The following B4GALT5 variants were observed in gnomAD, a reference collection of about 807,000 sequenced individuals.
The protein encoded by B4GALT5 is UDP-Gal:beta-GlcNAc beta-1,4-galactosyltransferase 5.
Under a neutral mutation model 45.0 loss-of-function variants are expected in B4GALT5, and 11 were observed. That is an observed-to-expected ratio of 0.24 (90% confidence interval 0.15 to 0.40). The LOEUF (loss-of-function observed/expected upper bound fraction) is 0.40, where lower values mean the gene tolerates loss of function less well. Among genes scored for constraint, B4GALT5 ranks in the 10% least tolerant of loss-of-function variants. B4GALT5 has a pLI of 1.00. For missense variants in B4GALT5, 337 were observed against 500.2 expected (o/e 0.67, Z 3.11); for synonymous variants, 185 against 182.9 (o/e 1.01, Z -0.09).
intron 1 of B4GALT5, among the ~76,000 whole-genome samples, chr20:49,685,411 G>A (rs895298955): frequency 1.3e-5 from 2 of 152,020 alleles, no homozygotes; most frequent in Admixed American, 6.6e-5. Context: ...AACAGAAAAC[G>A]AAAAACTCTG....
At chr20:49,636,546 C>A in intron 8 of B4GALT5, 87 bp from the exon 9 acceptor site, 1 of 1,452,958 alleles carries the variant, frequency 6.9e-7, no homozygotes, top group Non-Finnish European at 9.4e-7. Flanking sequence ...CGTCCCACAG[C>A]AGAGGACGCA....
At position 49,640,584 on chromosome 20, in the gene B4GALT5, A is replaced by C. The variant is rs2085572707; in HGVS notation, c.688T>G (p.Leu230Val). Residue 230 changes from leucine to valine, a missense_variant, in exon 6 of 9, where the codon TTG becomes GTG. By Grantham distance (32) the Leu-to-Val change is conservative. Around this residue, in one of 2 missense-constraint regions of B4GALT5, gnomAD observed 163 missense variants for 292.8 expected, o/e 0.56. Coordinates refer to ENST00000371711, the MANE Select transcript of B4GALT5 (RefSeq NM_004776.4). ...ATGTGATCTACATCATGAAAAATCA[A>C]ACAGTCCCAATCCAAGTCTTTCATT... is the stretch of plus-strand genomic sequence containing the variant. ...EAMKDLDWDC[L>V]IFHDVDHIPE... 6.2e-7 allele frequency: 1 copy of C among 1,614,112 alleles called. No individual in the cohort carries two copies. Among genetic ancestry groups the C allele is most frequent in the Non-Finnish European group, 8.5e-7 (1 of 1,180,008 alleles).
intron 3 of B4GALT5, 116 bp downstream of exon 3, chr20:49,646,849 G>T: frequency 1.6e-6 from 1 of 629,324 alleles, no homozygotes; most frequent in Non-Finnish European, 2.6e-6. Context: ...CACAAACCCT[G>T]TTTCCAATGG....
chr20:49,635,996 G>T lies in B4GALT5; in HGVS notation c.*316C>A. 3.0e-6 allele frequency: 1 copy of T among 338,612 alleles called. No homozygotes were observed. The highest frequency in any genetic ancestry group is 2.1e-5 in the African/African-American group (1 of 47,034). 21.0% of individuals were successfully genotyped at this position (338,612 alleles called of 1,614,324 possible). On this transcript the variant is annotated 3_prime_UTR_variant, in exon 9 of 9. Transcript: ENST00000371711. ...CACGGCAGATCACAGTTCATCATGG[G>T]TTCTGGAGACTGCGGCTAAGACAGG...
At chr20:49,667,932 A>G (rs2085698856) in intron 1 of B4GALT5, among the ~76,000 whole-genome samples, 3 of 152,212 alleles carry the variant, frequency 2.0e-5, no homozygotes, top group Admixed American at 2.0e-4. Context: ...GAGAGAAAAT[A>G]CAGCTTTTTT....
intron 3 of B4GALT5, among the ~76,000 whole-genome samples, chr20:49,644,221 C>T (rs889156900): frequency 4.6e-5 from 7 of 151,930 alleles, no homozygotes; most frequent in African/African-American, 1.7e-4. Flanking sequence ...GCCACTGTGC[C>T]CAGCCTTCTT....
chr20:49,650,265 A>C (rs1050776909), intron 2 of B4GALT5, among the ~76,000 whole-genome samples: 1 of 152,118 alleles, frequency 6.6e-6, no homozygotes, highest in African/African-American at 2.4e-5. Context: ...CAACAACTCT[A>C]TTGCAAAAAT....
At chr20:49,694,486 T>C (rs1374367581) in intron 1 of B4GALT5, among the ~76,000 whole-genome samples, 1 of 151,818 alleles carries the variant, frequency 6.6e-6, no homozygotes, top group Non-Finnish European at 1.5e-5. Context: ...ACCTAGTCCC[T>C]ACAAAAAAAT....
rs957355340 is a variant in B4GALT5 at position 49,713,782 on chromosome 20, G to A, written c.-92C>T. On this transcript the variant is annotated 5_prime_UTR_variant, in exon 1 of 9. Transcript: ENST00000371711. ...CCTGGGCCGCCGCCGCCACCGCCTG[G>A]GCCTCGGCCACCGCCTCCCGGGCCT... 1.2e-5 allele frequency: 3 copies of A among 247,272 alleles called. No homozygotes were observed. Among genetic ancestry groups the A allele is most frequent in the East Asian group, 1.4e-4 (1 of 6,992 alleles). 15.3% of individuals were successfully genotyped at this position (247,272 alleles called of 1,614,324 possible).
intron 8 of B4GALT5, 37 bp downstream of exon 8, chr20:49,637,304 G>C (rs757245233): frequency 6.5e-7 from 1 of 1,534,500 alleles, no homozygotes; most frequent in East Asian, 2.2e-5. Flanking sequence ...GAAAGTATAG[G>C]GGATACTTCT....
In B4GALT5 at chr20:49,636,353, C is replaced by T. The variant is rs1161296548; in HGVS notation, c.1126G>A (p.Val376Ile). Residue 376 changes from valine (V) to isoleucine (I), a missense_variant, in exon 9 of 9, where the codon GTC (valine) becomes ATC (isoleucine). Val to Ile is a conservative substitution (Grantham distance 29). Around this residue, in one of 2 missense-constraint regions of B4GALT5, gnomAD observed 163 missense variants for 292.8 expected, o/e 0.56. Transcript: ENST00000371711. Reference sequence around the variant, plus strand: ...TGAGCCAGCTCGGGTGTCAGGTTGACAGTTATGTTTTTATACAAGGCGTCG... The same window carrying T: ...TGAGCCAGCTCGGGTGTCAGGTTGATAGTTATGTTTTTATACAAGGCGTCG... ...TYDALYKNITVNLTPELAQVN... is the reference protein window; with the variant it reads ...TYDALYKNITINLTPELAQVN... The T allele has an allele frequency of 1.2e-6, 2 of 1,614,008 alleles. No individual in the cohort carries two copies. The highest frequency in any genetic ancestry group is 1.7e-6 in the Non-Finnish European group (2 of 1,180,030).
intron 1 of B4GALT5, among the ~76,000 whole-genome samples, chr20:49,689,205 T>C (rs981739010): frequency 6.6e-6 from 1 of 152,140 alleles, no homozygotes; most frequent in Non-Finnish European, 1.5e-5. Flanking sequence ...AGGATTTATG[T>C]TACTTGATTT....
intron 1 of B4GALT5, among the ~76,000 whole-genome samples, chr20:49,695,452 G>A (rs982573487): frequency 3.3e-5 from 5 of 149,802 alleles, no homozygotes; most frequent in Non-Finnish European, 4.4e-5. Flanking sequence ...TTGCTCTGTC[G>A]CCAAGCTGGA....
rs1244649297 is a variant in B4GALT5, at chr20:49,713,587, G to A, written c.104C>T (p.Ala35Val). 2 of 1,585,718 alleles carry A rather than the reference G, an allele frequency of 1.3e-6. No individual in the cohort carries two copies. Among genetic ancestry groups the A allele is most frequent in the African/African-American group, 1.3e-5 (1 of 74,090 alleles). ...AGCCCCCTTCCTACCTATGCCGGGC[G>A]CCACATAGACGAAGTACAGCAGCGA... Reference protein sequence around the residue: ...SSSLLYFVYVAPGIVNTYLFM... With the variant: ...SSSLLYFVYVVPGIVNTYLFM... The change falls in exon 1 of 9, where the codon GCG (alanine) becomes GTG (valine). Residue 35 changes from alanine to valine, a missense_variant. Physicochemically the swap from Ala to Val is moderately conservative, Grantham distance 64. Transcript: ENST00000371711.
intron 2 of B4GALT5, 121 bp downstream of exon 2, chr20:49,656,447 A>C: frequency 7.6e-7 from 1 of 1,318,876 alleles, no homozygotes; most frequent in Non-Finnish European, 1.0e-6. Context: ...CAGTAAAGTA[A>C]AACTCAGCCA....
At chr20:49,664,421 TACACACACACACACAC>T (rs55990435) in intron 1 of B4GALT5, among the ~76,000 whole-genome samples, 65 of 128,908 alleles carry the variant, frequency 5.0e-4, no homozygotes, top group South Asian at 1.4e-3. Context: ...GGTCTCCAAA[TACACACACACACACAC>T]ACACACACAC....
intron 1 of B4GALT5, among the ~76,000 whole-genome samples, chr20:49,707,482 AG>A (rs1299088513): frequency 2.0e-5 from 3 of 151,700 alleles, no homozygotes; most frequent in Admixed American, 6.6e-5. Context: ...GAGTGTGCTG[AG>A]GGATTCAGAG....
chr20:49,681,803 C>A (rs1161636110), intron 1 of B4GALT5, among the ~76,000 whole-genome samples: 3 of 152,170 alleles, frequency 2.0e-5, no homozygotes, highest in African/African-American at 7.2e-5. Context: ...TATTTGAAAA[C>A]CTCCAAGAAA....
In B4GALT5 at chr20:49,694,658, A is replaced by G. The variant is rs6125719; in HGVS notation, c.115+18918T>C. Among the ~76,000 whole-genome samples, 1,088 of 142,876 alleles carry G rather than the reference A, an allele frequency of 7.6e-3. 23 individuals are homozygous for G. The highest frequency in any genetic ancestry group is 0.028 in the African/African-American group (1,025 of 36,438). 93.7% of individuals were successfully genotyped at this position (142,876 alleles called of 152,430 possible). On this transcript the variant is annotated intron_variant, in intron 1 of 8. Transcript: ENST00000371711. ...CTGAGAAGGGAAAGGGAAAGGGAAA[A>G]GGAAAGGGAAAGGGAAAGGGAAAGG...
Sources: allele counts gnomAD v4.1 joint callset (sites outside exome capture counted in the v4.1 genomes callset), GRCh38; gene constraint gnomAD v4.1.1; regional missense constraint gnomAD v4.1.1; transcripts MANE v1.5; gene names NCBI Gene and HGNC (gene_info 2026-07-23, HGNC 2026-07-21).